VILL: variants seen among roughly 807,000 people sequenced by gnomAD.
VILL encodes villin-like protein.
Under a neutral mutation model 106.3 loss-of-function variants are expected in VILL, and 102 were observed. The observed-to-expected ratio is 0.96, with a 90% CI of 0.82 to 1.13. The LOEUF is 1.13. VILL is among the 50% of genes most tolerant of loss of function. The pLI is 0.00. For synonymous variants in VILL, 431 were observed against 440.3 expected (o/e 0.98, Z 0.27); for missense variants, 1,076 against 1,116.6 (o/e 0.96, Z 0.52).
intron 11 of VILL, chr3:38,000,767 G>T (rs1406444558): frequency 2.4e-6 from 1 of 410,242 alleles, no homozygotes; most frequent in Non-Finnish European, 5.0e-6. Context: ...TGGTCTGGAG[G>T]TCGGCTCCCC....
chr3:38,004,282 G>C lies in VILL; in HGVS notation c.1833G>C (p.Gln611His), dbSNP rs370078115. The change falls in exon 16 of 20, where the codon CAG becomes CAC. Residue 611 changes from glutamine (Q) to histidine (H), a missense_variant. Gln to His is a conservative substitution (Grantham distance 24, BLOSUM62 0). Transcript: ENST00000383759. ...KRLPEEVPSF[Q>H]PRLFECSSHM... is the part of the protein sequence containing the mutation. The stretch of plus-strand genomic sequence containing the variant: ...TCCCTGAGGAGGTCCCCAGCTTCCA[G>C]CCACGACTGTTTGAGTGCTCCAGCC... 1.2e-6 allele frequency: 2 copies of C among 1,613,532 alleles called. No homozygotes were observed. Among genetic ancestry groups the C allele is most frequent in the South Asian group, 1.1e-5 (1 of 91,072 alleles).
rs560913650 is a variant in VILL, at chr3:37,998,512, G to A, written c.942+148G>A. On this transcript the variant is annotated intron_variant, in intron 9 of 19. Transcript: ENST00000383759. The surrounding 1 kb of genome is among the most constrained non-coding windows in gnomAD (Gnocchi z 4.1). Reference sequence around the variant, plus strand: ...CCTATGCTGGAGTCTTAAAGGGGAGGTAGCCCTGCCCTGGGAGCCCTGAGA... The same window carrying A: ...CCTATGCTGGAGTCTTAAAGGGGAGATAGCCCTGCCCTGGGAGCCCTGAGA... The A allele has an allele frequency of 2.2e-5, 17 of 756,948 alleles. No individual in the cohort carries two copies. In the African/African-American group the frequency reaches 3.0e-4, roughly 13 times the overall value. The allele number at this position is 756,948 out of a possible 1,614,324, so 46.9% of individuals were successfully genotyped here. A position where few individuals can be genotyped will look rare whatever the true frequency, so the allele number is the denominator to read the frequency against.
intron 15 of VILL, chr3:38,003,734 G>C (rs892170409): frequency 4.7e-6 from 1 of 211,454 alleles, no homozygotes; most frequent in African/African-American, 2.3e-5. Context: ...GTGTGTAAGT[G>C]GACAGGGTGT....
At chr3:37,993,352 G>GGTA in intron 1 of VILL, 1 of 335,528 alleles carries the variant, frequency 3.0e-6, no homozygotes, top group African/African-American at 2.1e-5. Flanking sequence ...CCCAGAAGGT[G>GGTA]GAGGTTGCAG....
At position 38,001,703 on chromosome 3, in the gene VILL, G is replaced by A. The variant is rs761344915; in HGVS notation, c.1322G>A (p.Gly441Asp). The change falls in exon 13 of 20, where the codon GGC becomes GAC. Residue 441 changes from glycine (G) to aspartate (D), a missense_variant and splice_region_variant. Transcript: ENST00000383759. Reference sequence around the variant, plus strand: ...CTCACTCACTGCCCCCACCTGCAGGGCCACCAGGCCACTGCGGATGAGATT... The same window carrying A: ...CTCACTCACTGCCCCCACCTGCAGGACCACCAGGCCACTGCGGATGAGATT... ...RVQYILYLWQGHQATADEIEA... is the reference protein window; with the variant it reads ...RVQYILYLWQDHQATADEIEA... 1 of 1,614,168 alleles carries A rather than the reference G, an allele frequency of 6.2e-7. No individual in the cohort carries two copies. Among genetic ancestry groups the A allele is most frequent in the South Asian group, 1.1e-5 (1 of 91,088 alleles).
Position 37,999,450 on chromosome 3 carries a change from C to G in VILL, c.1182+11C>G, listed in dbSNP as rs368153623. On this transcript the variant is annotated intron_variant, in intron 11 of 19. Coordinates refer to ENST00000383759, the MANE Select transcript of VILL (RefSeq NM_015873.4). ...TCTGGGAAGGTGGAGGTGAGGGGTA[C>G]TGGGTTAGCTGGGGGAAGATGGGCA... 414 of 1,464,512 alleles carry G rather than the reference C, an allele frequency of 2.8e-4. No homozygotes were observed. Among genetic ancestry groups the G allele is most frequent in the Non-Finnish European group, 3.5e-4 (390 of 1,108,652 alleles). 90.7% of individuals were successfully genotyped at this position (1,464,512 alleles called of 1,614,324 possible).
In VILL at chr3:37,995,720, C is replaced by T. The variant is rs1275766118; in HGVS notation, c.342-19C>T. 6.3e-7 allele frequency: 1 copy of T among 1,598,088 alleles called. No homozygotes were observed. The highest frequency in any genetic ancestry group is 1.3e-5 in the African/African-American group (1 of 74,748). ...TATATACACAGAATGTATATACCCT[C>T]CTGCTATTCCCACCTCAGCTACAGG... On this transcript the variant is annotated intron_variant, in intron 4 of 19. Coordinates refer to ENST00000383759, the MANE Select transcript of VILL (RefSeq NM_015873.4).
rs754145754 is a variant in VILL, at chr3:38,006,656, G to C, written c.2413G>C (p.Ala805Pro). ...GCGCCGGGAACAACTGATGCACCAG[G>C]CTGTTGAGGACCTGCCAGAGGGCGT... The part of the protein sequence containing the change: ...GLRREQLMHQ[A>P]VEDLPEGVDP... Residue 805 changes from alanine to proline, a missense_variant, in exon 19 of 20, where the codon GCT becomes CCT. Ala to Pro is a conservative substitution (Grantham distance 27, BLOSUM62 -1). Coordinates refer to ENST00000383759, the MANE Select transcript of VILL (RefSeq NM_015873.4). 11 of 1,613,406 alleles carry C rather than the reference G, an allele frequency of 6.8e-6. No individual in the cohort carries two copies. The South Asian group carries it at 1.2e-4, about 18-fold the overall frequency.
rs780134429 is a variant in VILL, at chr3:37,999,043, C to CG, written c.1077dup (p.Arg360GlufsTer3). ...AGCGGCGCAGGAACCAGAAGCTCGG[C>CG]GGGAGGGGTGAGCGGGCGGGGCGGG... On this transcript the variant is annotated frameshift_variant, in exon 10 of 20. Coordinates refer to ENST00000383759, the MANE Select transcript of VILL (RefSeq NM_015873.4). LOFTEE classifies it high-confidence loss of function. The CG allele has an allele frequency of 3.0e-6, 3 of 1,011,314 alleles. No individual in the cohort carries two copies. The African/African-American group carries it at 7.0e-5, about 24-fold the overall frequency. 62.6% of individuals were successfully genotyped at this position (1,011,314 alleles called of 1,614,324 possible).
At chr3:37,999,204 T>C in intron 10 of VILL, 135 bp from the exon 11 acceptor site, 11 of 1,153,744 alleles carry the variant, frequency 9.5e-6, no homozygotes, top group Non-Finnish European at 1.1e-5. Context: ...AGCCTCAGGA[T>C]GAGGAAAGGG....
At position 37,993,906 on chromosome 3, in the gene VILL, G is replaced by A. The variant is rs1197044134; in HGVS notation, c.69G>A (p.Lys23=). Reference sequence around the variant, plus strand: ...GAACTCTCCTCTCCCAGAACCGGAAGATGGTGCCGGTACCCGAGGGGGCTT... The same window carrying A: ...GAACTCTCCTCTCCCAGAACCGGAAAATGGTGCCGGTACCCGAGGGGGCTT... ...GLHIWISENR[K]MVPVPEGAYG... The change falls in exon 3 of 20, where the codon AAG becomes AAA. Residue 23 remains lysine, a synonymous_variant. Coordinates refer to ENST00000383759, the MANE Select transcript of VILL (RefSeq NM_015873.4). The A allele has an allele frequency of 1.2e-6, 2 of 1,614,098 alleles. No individual in the cohort carries two copies. The highest frequency in any genetic ancestry group is 2.2e-5 in the East Asian group (1 of 44,884).
At position 38,004,404 on chromosome 3, in the gene VILL, G is replaced by A. The variant is rs1699877267; in HGVS notation, c.1950+5G>A. On this transcript the variant is annotated splice_donor_5th_base_variant and intron_variant, in intron 16 of 19. Coordinates refer to ENST00000383759, the MANE Select transcript of VILL (RefSeq NM_015873.4). ...TTACTGGACACCTGGCAGGAGGTAA[G>A]GTGGCCATCCCTGCCTGGTGGGGCT... 1 of 1,602,926 alleles carries A rather than the reference G, an allele frequency of 6.2e-7. No individual in the cohort carries two copies. The highest frequency in any genetic ancestry group is 8.5e-7 in the Non-Finnish European group (1 of 1,170,614).
intron 1 of VILL, among the ~76,000 whole-genome samples, chr3:37,993,171 T>G (rs1247292094): frequency 2.6e-5 from 4 of 152,200 alleles, no homozygotes; most frequent in Non-Finnish European, 5.9e-5. Context: ...GTCACTGTCA[T>G]TCACTGCCCT....
In VILL at chr3:37,993,945, T is replaced by G. The variant is rs760816163; in HGVS notation, c.108T>G (p.Phe36Leu). 8.7e-6 allele frequency: 14 copies of G among 1,614,148 alleles called. No homozygotes were observed. Among genetic ancestry groups the G allele is most frequent in the Non-Finnish European group, 1.2e-5 (14 of 1,180,014 alleles). The stretch of plus-strand genomic sequence containing the variant: ...CCGAGGGGGCTTACGGGAACTTTTT[T>G]GAGGAACACTGCTATGTCATCCTCC... ...PVPEGAYGNF[F>L]EEHCYVILHV... The change falls in exon 3 of 20, where the codon TTT (phenylalanine) becomes TTG (leucine). Residue 36 changes from phenylalanine to leucine, a missense_variant. Transcript: ENST00000383759.
chr3:37,995,029 TG>T (rs1277102640), intron 4 of VILL, among the ~76,000 whole-genome samples: 60 of 152,406 alleles, frequency 3.9e-4, no homozygotes, highest in African/African-American at 1.2e-3. Context: ...ACTTTTTGGC[TG>T]CTATGAATCT....
chr3:38,000,751 C>G (rs1699798084), intron 11 of VILL, among the ~76,000 whole-genome samples: 1 of 152,216 alleles, frequency 6.6e-6, no homozygotes, highest in East Asian at 1.9e-4. Flanking sequence ...AGGGCTCTGG[C>G]TGCTCTGGTC....
Position 38,003,268 on chromosome 3 carries a change from TCTGGGAGGCC to T in VILL, c.1771_1780del (p.Leu591GlyfsTer80), listed in dbSNP as rs771579365. On this transcript the variant is annotated frameshift_variant, in exon 15 of 20. Coordinates refer to ENST00000383759, the MANE Select transcript of VILL (RefSeq NM_015873.4). LOFTEE classifies it high-confidence loss of function. ...CTGGAGGGTCAGGAGCCTCCCCACT[TCTGGGAGGCC>T]CTGGGAGGCCGGGCCCCCTACCCCA... is the stretch of plus-strand genomic sequence containing the variant. The T allele has an allele frequency of 1.9e-6, 3 of 1,613,418 alleles. No individual in the cohort carries two copies. Among genetic ancestry groups the T allele is most frequent in the African/African-American group, 1.3e-5 (1 of 74,874 alleles).
intron 4 of VILL, among the ~76,000 whole-genome samples, 183 bp downstream of exon 4, chr3:37,994,649 C>A (rs1350592661): frequency 6.6e-6 from 1 of 152,230 alleles, no homozygotes; most frequent in East Asian, 1.9e-4. Context: ...ATATACATGT[C>A]AGTGATTTTT....
chr3:38,003,441 C>T, intron 15 of VILL, 128 bp downstream of exon 15: 1 of 1,252,410 alleles, frequency 8.0e-7, no homozygotes, highest in Non-Finnish European at 1.1e-6. Context: ...CTCAGTTTCC[C>T]ACTCACAGAG....
Sources: gnomAD v4.1 joint callset for allele counts (sites outside exome capture counted in the v4.1 genomes callset) on GRCh38, gnomAD v4.1.1 for gene constraint, Gnocchi (gnomAD v3.1) non-coding constraint, MANE v1.5 for transcripts, NCBI Gene and HGNC (gene_info 2026-07-23, HGNC 2026-07-21) for gene names.